Variants in ASAP1 observed in about 807,000 individuals in gnomAD.
The protein encoded by ASAP1 is arf-GAP with SH3 domain, ANK repeat and PH domain-containing protein 1.
Under a neutral mutation model 145.2 loss-of-function variants are expected in ASAP1, and 43 were observed. The ratio of observed to expected loss-of-function variants is 0.30; its 90% CI spans 0.23 to 0.38. ASAP1 has a LOEUF of 0.38. ASAP1 is among the 10% of genes least tolerant of loss of function. ASAP1 has a pLI of 1.00. For synonymous variants in ASAP1, 546 were observed against 515.5 expected (o/e 1.06, Z -0.80); for missense variants, 1,018 against 1,355.3 (o/e 0.75, Z 3.91).
intron 24 of ASAP1, among the ~76,000 whole-genome samples, chr8:130,095,899 G>GT (rs1486074169): frequency 6.6e-6 from 1 of 152,174 alleles, no homozygotes; most frequent in African/African-American, 2.4e-5. Context: ...GATTACAGGC[G>GT]TGAGTCACAG....
chr8:130,413,664 T>C (rs1031540090), intron 1 of ASAP1, among the ~76,000 whole-genome samples: 9 of 152,128 alleles, frequency 5.9e-5, no homozygotes, highest in Admixed American at 5.2e-4. Context: ...CAAAAATCCA[T>C]CAAAGCATAT....
chr8:130,101,278 C>T (rs2097528277), intron 24 of ASAP1, among the ~76,000 whole-genome samples: 1 of 152,068 alleles, frequency 6.6e-6, no homozygotes, highest in South Asian at 2.1e-4. Flanking sequence ...TTTGTGTTTC[C>T]ATATGAATTT....
intron 3 of ASAP1, among the ~76,000 whole-genome samples, chr8:130,263,793 T>C (rs1820083894): frequency 6.6e-6 from 1 of 152,224 alleles, no homozygotes; most frequent in South Asian, 2.1e-4. Flanking sequence ...CAGTGCCTTC[T>C]ACCAACTATG....
intron 1 of ASAP1, among the ~76,000 whole-genome samples, chr8:130,402,259 C>T (rs1828830081): frequency 6.6e-6 from 1 of 152,172 alleles, no homozygotes; most frequent in Admixed American, 6.5e-5. Context: ...TCATTAACTT[C>T]TCTAGACCTA....
chr8:130,391,742 A>G (rs16904261), intron 2 of ASAP1, among the ~76,000 whole-genome samples: 15,723 of 152,300 alleles, frequency 0.1, 962 homozygotes, highest in South Asian at 0.28. Context: ...ATTTCAGTCC[A>G]ATACAGTAAA....
intron 4 of ASAP1, among the ~76,000 whole-genome samples, chr8:130,228,490 C>T (rs980582395): frequency 6.6e-5 from 10 of 151,932 alleles, no homozygotes; most frequent in African/African-American, 2.4e-4. Flanking sequence ...AGCTTGAGCC[C>T]AGGCGGTCAA....
At chr8:130,381,873 A>G (rs1388445111) in intron 2 of ASAP1, among the ~76,000 whole-genome samples, 1 of 150,976 alleles carries the variant, frequency 6.6e-6, no homozygotes, top group Non-Finnish European at 1.5e-5. Flanking sequence ...GTTCCTTGTC[A>G]CTCTCCAGGT....
intron 2 of ASAP1, among the ~76,000 whole-genome samples, chr8:130,381,088 G>A (rs1827745427): frequency 6.6e-6 from 1 of 152,126 alleles, no homozygotes; most frequent in Admixed American, 6.5e-5. Flanking sequence ...ATTTTGCCAT[G>A]TCGTCCAGGC....
intron 29 of ASAP1, 35 bp from the exon 30 acceptor site, chr8:130,054,840 C>T (rs1005842177): frequency 1.3e-6 from 2 of 1,581,208 alleles, no homozygotes; most frequent in African/African-American, 1.3e-5. Context: ...AGGATGGAGG[C>T]AGCAGGCAGT....
At chr8:130,308,043 T>C (rs1031499494) in intron 3 of ASAP1, among the ~76,000 whole-genome samples, 1 of 152,238 alleles carries the variant, frequency 6.6e-6, no homozygotes, top group African/African-American at 2.4e-5. Context: ...CATAGTCAAT[T>C]TGCTTCTAGC....
At chr8:130,279,169 A>G (rs1821106094) in intron 3 of ASAP1, among the ~76,000 whole-genome samples, 1 of 152,120 alleles carries the variant, frequency 6.6e-6, no homozygotes, top group African/African-American at 2.4e-5. Flanking sequence ...AAAAAAATGA[A>G]CAGAAGTACA....
At chr8:130,157,095 T>C (rs1281905918) in intron 12 of ASAP1, among the ~76,000 whole-genome samples, 1 of 152,238 alleles carries the variant, frequency 6.6e-6, no homozygotes, top group Non-Finnish European at 1.5e-5. Context: ...AAGAGATGTT[T>C]GTACCACAGA....
At chr8:130,116,841 C>G in intron 21 of ASAP1, 39 bp downstream of exon 21, 2 of 1,579,640 alleles carry the variant, frequency 1.3e-6, no homozygotes, top group Non-Finnish European at 1.7e-6. Context: ...ATGCAACACA[C>G]GCTTACTACA....
intron 13 of ASAP1, among the ~76,000 whole-genome samples, chr8:130,151,747 G>A (rs1565022000): frequency 6.6e-6 from 1 of 152,228 alleles, no homozygotes; most frequent in Non-Finnish European, 1.5e-5. Context: ...CAAGTTCTGT[G>A]TGAGAGGCTG....
At chr8:130,434,758 C>T (rs1433854144) in intron 1 of ASAP1, among the ~76,000 whole-genome samples, 8 of 152,100 alleles carry the variant, frequency 5.3e-5, no homozygotes, top group African/African-American at 1.4e-4. Flanking sequence ...CATCCCAGAA[C>T]GGCTCTCTGT....
chr8:130,203,542 A>G lies in ASAP1; in HGVS notation c.405+11014T>C, dbSNP rs541355800. Among the ~76,000 whole-genome samples, 21 of 152,356 alleles carry G rather than the reference A, an allele frequency of 1.4e-4. 1 individual carries two copies. The highest frequency in any genetic ancestry group is 4.8e-4 in the African/African-American group (20 of 41,596). On this transcript the variant is annotated intron_variant, in intron 5 of 29. Transcript: ENST00000518721. ...GGAGGTGAGGAGAGACTCAGGCAAC[A>G]TTGTGCAGAGGAATCCAAAGTCAGC...
At chr8:130,285,455 T>C (rs773138408) in intron 3 of ASAP1, among the ~76,000 whole-genome samples, 4 of 152,236 alleles carry the variant, frequency 2.6e-5, no homozygotes, top group African/African-American at 4.8e-5. Flanking sequence ...AAAAATTTTA[T>C]GGTCTAAATA....
intron 4 of ASAP1, among the ~76,000 whole-genome samples, chr8:130,216,823 G>A (rs1457928291): frequency 3.3e-5 from 5 of 152,028 alleles, no homozygotes; most frequent in Non-Finnish European, 7.4e-5. Flanking sequence ...CCAAACTCTT[G>A]ATCTTCTTCC....
intron 1 of ASAP1, among the ~76,000 whole-genome samples, chr8:130,411,551 G>T (rs1829265728): frequency 6.6e-6 from 1 of 152,176 alleles, no homozygotes; most frequent in Non-Finnish European, 1.5e-5. Context: ...ACCTCCCAAA[G>T]AAACTATGCA....
Sources: allele counts gnomAD v4.1 joint callset (sites outside exome capture counted in the v4.1 genomes callset), GRCh38; gene constraint gnomAD v4.1.1; transcripts MANE v1.5; gene names NCBI Gene and HGNC (gene_info 2026-07-23, HGNC 2026-07-21).